The following MCC variants were observed in gnomAD, a reference collection of about 807,000 sequenced individuals.
The protein encoded by MCC is MCC regulator of Wnt signaling pathway, also known as colorectal mutant cancer protein.
MCC carries 90 observed loss-of-function variants against 116.2 expected under a neutral mutation model. The ratio of observed to expected loss-of-function variants is 0.77; its 90% CI spans 0.65 to 0.92. MCC has a LOEUF of 0.92. Among genes scored for constraint, MCC ranks in the 40% least tolerant of loss-of-function variants. The probability of loss-of-function intolerance (pLI) is 0.00; values close to 1 mark genes in which losing one functional copy is unlikely to be tolerated. For synonymous variants in MCC, 578 were observed against 510.5 expected, an observed-to-expected ratio of 1.13 and a Z score of -1.78; for missense variants, 1,516 against 1,312.2, an observed-to-expected ratio of 1.16 and a Z score of -2.40.
At chr5:113,441,184 A>G (rs1561574424) in intron 1 of MCC, among the ~76,000 whole-genome samples, 1 of 152,040 alleles carries the variant, frequency 6.6e-6, no homozygotes, top group South Asian at 2.1e-4. Context: ...AAAATACAAA[A>G]ATTAGCCAGG....
intron 7 of MCC, among the ~76,000 whole-genome samples, chr5:113,103,027 T>C (rs1001054558): frequency 6.6e-6 from 1 of 152,036 alleles, no homozygotes; most frequent in African/African-American, 2.4e-5. Context: ...GGCAGGAGAA[T>C]CGCTTGAATC....
At chr5:113,380,505 C>CATTT (rs1281263538) in intron 2 of MCC, among the ~76,000 whole-genome samples, 1 of 152,110 alleles carries the variant, frequency 6.6e-6, no homozygotes, top group East Asian at 1.9e-4. Context: ...ATTGCTCATT[C>CATTT]ATTCATTCAT....
At chr5:113,426,915 T>G (rs1362741091) in intron 1 of MCC, among the ~76,000 whole-genome samples, 2 of 152,168 alleles carry the variant, frequency 1.3e-5, no homozygotes, top group African/African-American at 4.8e-5. Context: ...TACTCCTGTT[T>G]GGAGTAACTA....
intron 6 of MCC, among the ~76,000 whole-genome samples, chr5:113,107,100 G>C (rs566055667): frequency 1.3e-5 from 2 of 152,218 alleles, no homozygotes; most frequent in East Asian, 3.9e-4. Flanking sequence ...ACAGAGAATA[G>C]GGTAGGCGGT....
intron 6 of MCC, among the ~76,000 whole-genome samples, chr5:113,110,323 A>T (rs9326878): frequency 0.47 from 72,150 of 152,052 alleles, 17,542 homozygotes; most frequent in African/African-American, 0.56. Flanking sequence ...CTGACACAGC[A>T]GAGGGCTGAC....
intron 3 of MCC, among the ~76,000 whole-genome samples, chr5:113,318,355 T>C (rs1214366312): frequency 6.6e-6 from 1 of 152,236 alleles, no homozygotes; most frequent in Non-Finnish European, 1.5e-5. Flanking sequence ...CAAGGCAGTC[T>C]TTCATATATC....
chr5:113,150,705 G>T (rs768544008), intron 4 of MCC, among the ~76,000 whole-genome samples: 3 of 152,084 alleles, frequency 2.0e-5, no homozygotes, highest in Non-Finnish European at 4.4e-5. Flanking sequence ...CAAAGATGAT[G>T]TAACATACAA....
intron 3 of MCC, among the ~76,000 whole-genome samples, chr5:113,161,728 T>C (rs1760498410): frequency 6.6e-6 from 1 of 152,066 alleles, no homozygotes; most frequent in Admixed American, 6.5e-5. Context: ...ATACAGAGTA[T>C]ATATAAAACT....
intron 8 of MCC, among the ~76,000 whole-genome samples, chr5:113,086,828 C>G (rs1284328030): frequency 6.6e-6 from 1 of 152,120 alleles, no homozygotes; most frequent in Non-Finnish European, 1.5e-5. Context: ...GCTTTCTAAA[C>G]AGAATGTGTA....
intron 3 of MCC, among the ~76,000 whole-genome samples, chr5:113,230,502 G>A (rs999031189): frequency 1.1e-4 from 17 of 152,176 alleles, no homozygotes; most frequent in African/African-American, 4.1e-4. Context: ...ATAATGAGCT[G>A]AAAGCTATAA....
rs116333701 is a variant in MCC, at chr5:113,372,495, G to C, written c.415+12473C>G. Among the ~76,000 whole-genome samples, 1,493 of 152,178 alleles carry C rather than the reference G, an allele frequency of 9.8e-3. 19 individuals are homozygous for C. Among genetic ancestry groups the C allele is most frequent in the African/African-American group, 0.034 (1,393 of 41,482 alleles). ...CAGTGACCTTGTACATGTTTTCTTA[G>C]AAGTTTAAAAAATATATATATTGTA... On this transcript the variant is annotated intron_variant, in intron 2 of 18. Coordinates refer to ENST00000408903, the MANE Select transcript of MCC (RefSeq NM_001085377.2).
intron 3 of MCC, among the ~76,000 whole-genome samples, chr5:113,277,594 TAA>T (rs1257850743): frequency 6.6e-6 from 1 of 152,176 alleles, no homozygotes; most frequent in Non-Finnish European, 1.5e-5. Flanking sequence ...AACCATGACT[TAA>T]AAAGCACGGT....
At chr5:113,369,081 G>A (rs747396501) in intron 2 of MCC, among the ~76,000 whole-genome samples, 16 of 152,096 alleles carry the variant, frequency 1.1e-4, no homozygotes, top group Non-Finnish European at 2.1e-4. Flanking sequence ...CATGCCCTGT[G>A]TTCAGCTATC....
At chr5:113,424,486 G>A (rs12152879) in intron 1 of MCC, among the ~76,000 whole-genome samples, 28,045 of 152,046 alleles carry the variant, frequency 0.18, 3,091 homozygotes, top group Admixed American at 0.31. Flanking sequence ...AGGCCAAGGC[G>A]GGTGGATCAC....
intron 11 of MCC, among the ~76,000 whole-genome samples, chr5:113,081,145 G>A (rs2150241914): frequency 6.6e-6 from 1 of 152,302 alleles, no homozygotes; most frequent in South Asian, 2.1e-4. Context: ...CAACTTTGAG[G>A]TAGTTAGAAT....
chr5:113,195,090 A>C (rs1463264440), intron 3 of MCC, among the ~76,000 whole-genome samples: 1 of 152,176 alleles, frequency 6.6e-6, no homozygotes, highest in Non-Finnish European at 1.5e-5. Context: ...GTGTGGACTA[A>C]ATATACCAAA....
chr5:113,445,888 G>A (rs548005523), intron 1 of MCC, among the ~76,000 whole-genome samples: 20 of 152,192 alleles, frequency 1.3e-4, no homozygotes, highest in African/African-American at 4.8e-4. Flanking sequence ...CATGGTACTG[G>A]TACAAAACCA....
intron 9 of MCC, 98 bp from the exon 10 acceptor site, chr5:113,084,288 A>G (rs113657414): frequency 1.1e-6 from 1 of 915,592 alleles, no homozygotes; most frequent in South Asian, 1.4e-5. Context: ...TAGCCATGTC[A>G]ACTAAATGAT....
chr5:113,306,038 C>G (rs935044316), intron 3 of MCC, among the ~76,000 whole-genome samples: 1 of 152,160 alleles, frequency 6.6e-6, no homozygotes, highest in Non-Finnish European at 1.5e-5. Flanking sequence ...GCTTCTTTCA[C>G]TTAGCCTGTT....
Sources: gnomAD v4.1 joint callset for allele counts (sites outside exome capture counted in the v4.1 genomes callset) on GRCh38, gnomAD v4.1.1 for gene constraint, MANE v1.5 for transcripts, NCBI Gene and HGNC (gene_info 2026-07-23, HGNC 2026-07-21) for gene names.